ERC1: variants seen among roughly 807,000 people sequenced by gnomAD.
ERC1 encodes the protein RAB6 interacting protein 2.
In ERC1, 56 loss-of-function variants were observed where a neutral mutation model predicts 132.0. The observed-to-expected ratio is 0.42, with a 90% CI of 0.34 to 0.53. The LOEUF is 0.53. Ranked by LOEUF, ERC1 falls within the 20% of genes least tolerant of loss-of-function variation. The probability of loss-of-function intolerance (pLI) is 0.03; values close to 1 mark genes in which losing one functional copy is unlikely to be tolerated. For missense variants in ERC1, 1,202 were observed against 1,349.9 expected, an observed-to-expected ratio of 0.89 and a Z score of 1.72; for synonymous variants, 478 against 476.1, an observed-to-expected ratio of 1.00 and a Z score of -0.05.
At chr12:1,205,885 G>A (rs1229891872) in intron 12 of ERC1, among the ~76,000 whole-genome samples, 2 of 152,060 alleles carry the variant, frequency 1.3e-5, no homozygotes, top group African/African-American at 4.8e-5. Flanking sequence ...TCCTTTGCAC[G>A]ACTGGTTTTG....
chr12:1,425,578 G>A (rs895104626), intron 17 of ERC1, among the ~76,000 whole-genome samples: 5 of 152,190 alleles, frequency 3.3e-5, no homozygotes, highest in Non-Finnish European at 7.3e-5. Context: ...AAGGTCTCAC[G>A]CAGTCATTTC....
chr12:1,180,285 GCGCA>G (rs1304993992), intron 8 of ERC1, among the ~76,000 whole-genome samples: 54 of 125,044 alleles, frequency 4.3e-4, no homozygotes, highest in African/African-American at 2.2e-3. Context: ...GTGTGTGTGC[GCGCA>G]CGCGTGTGCG....
intron 15 of ERC1, among the ~76,000 whole-genome samples, chr12:1,354,865 C>T (rs1391493505): frequency 1.3e-5 from 2 of 152,098 alleles, no homozygotes; most frequent in African/African-American, 4.8e-5. Context: ...TGGTCTGGAA[C>T]TACTGACCTC....
chr12:1,396,887 T>C (rs2090585183), intron 16 of ERC1, among the ~76,000 whole-genome samples: 1 of 152,076 alleles, frequency 6.6e-6, no homozygotes, highest in African/African-American at 2.4e-5. Context: ...AAAGCAAGAC[T>C]CGTTCAGTCA....
intron 14 of ERC1, among the ~76,000 whole-genome samples, chr12:1,270,407 G>A (rs1197312709): frequency 6.6e-6 from 1 of 152,036 alleles, no homozygotes; most frequent in East Asian, 1.9e-4. Flanking sequence ...ACGAGGTTTC[G>A]TCATGTTGGC....
chr12:1,440,600 T>TTGTGTGTG lies in ERC1; in HGVS notation c.3025-3901_3025-3894dup, dbSNP rs56749397. Reference sequence around the variant, plus strand: ...TAAGCAATCCCCCTGCCTCAGCCTTTTGTGTGTGTGTGTGTGTGTGTGTGT... The same window carrying TTGTGTGTG: ...TAAGCAATCCCCCTGCCTCAGCCTTTTGTGTGTGTGTGTGTGTGTGTGTGTGTGTGTGT... On this transcript the variant is annotated intron_variant, in intron 17 of 18. Coordinates refer to ENST00000360905, the MANE Select transcript of ERC1 (RefSeq NM_178040.4). Among the ~76,000 whole-genome samples the TTGTGTGTG allele has an allele frequency of 3.2e-3, 165 of 51,146 alleles. 6 individuals are homozygous for TTGTGTGTG. Among genetic ancestry groups the TTGTGTGTG allele is most frequent in the Admixed American group, 9.2e-3 (38 of 4,120 alleles). The allele number at this position is 51,146 out of a possible 152,430, so 33.6% of individuals were successfully genotyped here.
At chr12:1,101,691 A>G (rs1302785017) in intron 3 of ERC1, among the ~76,000 whole-genome samples, 1 of 152,216 alleles carries the variant, frequency 6.6e-6, no homozygotes, top group Non-Finnish European at 1.5e-5. Flanking sequence ...ACACATGCTA[A>G]GGAATTCAGA....
chr12:1,027,610 T>C (rs1245617985), intron 1 of ERC1, 138 bp from the exon 2 acceptor site: 5 of 368,486 alleles, frequency 1.4e-5, no homozygotes, highest in African/African-American at 9.9e-5. Context: ...GAGTACATTA[T>C]GCTGTAATCA....
At position 1,259,523 on chromosome 12, in the gene ERC1, T is replaced by TC. The variant is rs1555333497; in HGVS notation, c.2488-3511_2488-3510insC. ...TTGGGTATCTCTTTCTTTCTTTCTT[T>TC]TTTTTTTTTTTTTTTTTTGAGACGG... On this transcript the variant is annotated intron_variant, in intron 13 of 18. Coordinates refer to ENST00000360905, the MANE Select transcript of ERC1 (RefSeq NM_178040.4). 4.8e-3 allele frequency among the ~76,000 whole-genome samples: 649 copies of TC among 134,968 alleles called. 2 individuals are homozygous for TC. The highest frequency in any genetic ancestry group is 0.017 in the African/African-American group (577 of 34,582). The allele number at this position is 134,968 out of a possible 152,430, so 88.5% of individuals were successfully genotyped here.
intron 8 of ERC1, among the ~76,000 whole-genome samples, chr12:1,178,478 T>C (rs1953988904): frequency 6.6e-6 from 1 of 152,200 alleles, no homozygotes; most frequent in African/African-American, 2.4e-5. Context: ...TAATCAGTGC[T>C]ATAATGATTG....
At chr12:1,403,436 T>C (rs2154390753) in intron 16 of ERC1, among the ~76,000 whole-genome samples, 1 of 152,350 alleles carries the variant, frequency 6.6e-6, no homozygotes, top group South Asian at 2.1e-4. Flanking sequence ...GTCATTTATA[T>C]GATCTGTGTA....
intron 18 of ERC1, among the ~76,000 whole-genome samples, chr12:1,485,201 C>CTCTTTTCT (rs1555129709): frequency 1.3e-3 from 125 of 96,392 alleles, no homozygotes; most frequent in African/African-American, 4.5e-3. Flanking sequence ...GTTTATATTT[C>CTCTTTTCT]TTTTTTTTTT....
chr12:1,392,876 G>C (rs1424173365), intron 16 of ERC1, among the ~76,000 whole-genome samples: 1 of 152,136 alleles, frequency 6.6e-6, no homozygotes, highest in Non-Finnish European at 1.5e-5. Flanking sequence ...AGAAACTTTA[G>C]AGAATAGAGA....
At chr12:1,291,627 C>T (rs764524612) in intron 15 of ERC1, among the ~76,000 whole-genome samples, 3 of 152,136 alleles carry the variant, frequency 2.0e-5, no homozygotes, top group Non-Finnish European at 4.4e-5. Context: ...GTAGTTGGCC[C>T]ATTTGCATAG....
intron 17 of ERC1, among the ~76,000 whole-genome samples, chr12:1,411,114 T>C (rs1298020472): frequency 2.0e-5 from 3 of 152,148 alleles, no homozygotes; most frequent in African/African-American, 7.2e-5. Context: ...TTTTCATGGA[T>C]TGCTGCAGTG....
At chr12:1,183,875 C>T (rs1350943816) in intron 11 of ERC1, among the ~76,000 whole-genome samples, 1 of 151,996 alleles carries the variant, frequency 6.6e-6, no homozygotes, top group Admixed American at 6.5e-5. Context: ...GTGGCTCATG[C>T]CTGTAATCCC....
At chr12:1,172,602 G>A (rs1953193000) in intron 8 of ERC1, among the ~76,000 whole-genome samples, 1 of 151,996 alleles carries the variant, frequency 6.6e-6, no homozygotes. Context: ...CAGATGTGTA[G>A]AATAAATGCC....
At chr12:1,026,475 A>T (rs758174352) in intron 1 of ERC1, among the ~76,000 whole-genome samples, 1 of 152,220 alleles carries the variant, frequency 6.6e-6, no homozygotes, top group Non-Finnish European at 1.5e-5. Flanking sequence ...AGTACTATAC[A>T]GTTTTCGTTA....
chr12:1,142,937 C>T (rs1208624406), intron 8 of ERC1, among the ~76,000 whole-genome samples: 1 of 152,190 alleles, frequency 6.6e-6, no homozygotes, highest in Non-Finnish European at 1.5e-5. Context: ...CTCACTTTGT[C>T]GCCCAGACTG....
Sources: allele counts gnomAD v4.1 joint callset (sites outside exome capture counted in the v4.1 genomes callset), GRCh38; gene constraint gnomAD v4.1.1; transcripts MANE v1.5; gene names NCBI Gene and HGNC (gene_info 2026-07-23, HGNC 2026-07-21).